The following GRB10 variants were observed in gnomAD, a reference collection of about 807,000 sequenced individuals.
GRB10 encodes the protein growth factor receptor-bound protein 10.
GRB10 carries 20 observed loss-of-function variants against 80.9 expected under a neutral mutation model. That is an observed-to-expected ratio of 0.25 (90% CI 0.17 to 0.36). GRB10 has a LOEUF of 0.36. GRB10 is among the 10% of genes least tolerant of loss of function. GRB10 has a pLI of 1.00. For synonymous variants in GRB10, 291 were observed against 291.5 expected (o/e 1.00, Z 0.02); for missense variants, 548 against 747.7 (o/e 0.73, Z 3.12).
chr7:50,789,479 C>T (rs891999041), intron 1 of GRB10, among the ~76,000 whole-genome samples: 11 of 152,294 alleles, frequency 7.2e-5, no homozygotes, highest in Middle Eastern at 3.4e-3. Flanking sequence ...TTCAGCCTGG[C>T]CAAACTAGTA....
At chr7:50,700,259 C>A (rs766010000) in intron 5 of GRB10, among the ~76,000 whole-genome samples, 2 of 152,134 alleles carry the variant, frequency 1.3e-5, no homozygotes, top group Non-Finnish European at 2.9e-5. Context: ...TTCTCTATTA[C>A]GATTTTATAT....
intron 4 of GRB10, among the ~76,000 whole-genome samples, chr7:50,724,521 A>T (rs2068274917): frequency 6.6e-6 from 1 of 152,202 alleles, no homozygotes; most frequent in Non-Finnish European, 1.5e-5. Flanking sequence ...CAAAAAAGTC[A>T]ACATTGTGCT....
chr7:50,681,676 G>C (rs1053553120), intron 5 of GRB10, among the ~76,000 whole-genome samples: 29 of 152,354 alleles, frequency 1.9e-4, no homozygotes, highest in Non-Finnish European at 5.9e-5. Flanking sequence ...GCACTGAAAA[G>C]ACTGCCTGGG....
chr7:50,636,543 G>T (rs1192513000), intron 7 of GRB10, among the ~76,000 whole-genome samples: 2 of 152,072 alleles, frequency 1.3e-5, no homozygotes, highest in Non-Finnish European at 1.5e-5. Context: ...ATGATCAAGT[G>T]GGTTTAATTC....
intron 4 of GRB10, among the ~76,000 whole-genome samples, chr7:50,729,729 C>A (rs537552724): frequency 1.4e-5 from 2 of 143,632 alleles, no homozygotes; most frequent in African/African-American, 5.0e-5. Context: ...GGAGCCCCCC[C>A]CGAAGACCAA....
chr7:50,693,156 A>G (rs919859364), intron 5 of GRB10, among the ~76,000 whole-genome samples: 1 of 152,338 alleles, frequency 6.6e-6, no homozygotes, highest in Admixed American at 6.5e-5. Context: ...ACAGAAAAAC[A>G]GCCAGCCCAA....
chr7:50,611,368 G>A (rs748431857), intron 13 of GRB10, among the ~76,000 whole-genome samples: 2 of 152,238 alleles, frequency 1.3e-5, no homozygotes, highest in African/African-American at 2.4e-5. Context: ...TATGTGACCA[G>A]TTCCCACTGA....
At chr7:50,612,686 G>C (rs2049787039) in intron 13 of GRB10, 55 bp downstream of exon 13, 1 of 1,186,124 alleles carries the variant, frequency 8.4e-7, no homozygotes, top group East Asian at 2.3e-5. Context: ...AAGTCCAGAG[G>C]CCAATTTTCC....
intron 2 of GRB10, among the ~76,000 whole-genome samples, chr7:50,777,927 G>A (rs1032348145): frequency 6.6e-6 from 1 of 152,078 alleles, no homozygotes; most frequent in Non-Finnish European, 1.5e-5. Context: ...GAGGGGAGAG[G>A]GACTGAGGGG....
At chr7:50,610,268 A>C (rs1433306686) in intron 13 of GRB10, among the ~76,000 whole-genome samples, 4 of 152,210 alleles carry the variant, frequency 2.6e-5, no homozygotes, top group Non-Finnish European at 5.9e-5. Context: ...GTGGGCAATG[A>C]ATCAGTGCCG....
chr7:50,759,867 G>A (rs940009109), intron 2 of GRB10, among the ~76,000 whole-genome samples: 2 of 152,156 alleles, frequency 1.3e-5, no homozygotes, highest in Admixed American at 1.3e-4. Flanking sequence ...CAGAGACAGT[G>A]AATGGCCAGG....
rs2045855173 is a variant in GRB10, at chr7:50,591,628, C to G, written c.*1324G>C. ...AGGGGCGGAGGGGACCAAGTGACAA[C>G]TCAAGCCACCATCTGACTCATCTCC... On this transcript the variant is annotated 3_prime_UTR_variant, in exon 19 of 19. Transcript: ENST00000401949. 6.6e-6 allele frequency: 1 copy of G among 152,298 alleles called. No homozygotes were observed. The allele number at this position is 152,298 out of a possible 1,614,324, so 9.4% of individuals were successfully genotyped here.
intron 3 of GRB10, among the ~76,000 whole-genome samples, chr7:50,734,722 G>C (rs1332897807): frequency 6.6e-6 from 1 of 152,180 alleles, no homozygotes; most frequent in Non-Finnish European, 1.5e-5. Flanking sequence ...TCTCCGCCAG[G>C]AAAATGTGTG....
chr7:50,692,313 C>T (rs963103594), intron 5 of GRB10, among the ~76,000 whole-genome samples: 1 of 151,992 alleles, frequency 6.6e-6, no homozygotes, highest in African/African-American at 2.4e-5. Context: ...CACACGCACA[C>T]ATATATATAT....
chr7:50,775,639 T>TA (rs1344228194), intron 2 of GRB10, among the ~76,000 whole-genome samples: 1 of 152,234 alleles, frequency 6.6e-6, no homozygotes, highest in African/African-American at 2.4e-5. Flanking sequence ...ATGGCTCTAT[T>TA]AGGCATTATC....
chr7:50,673,219 G>A (rs1224316321), intron 6 of GRB10, among the ~76,000 whole-genome samples: 1 of 152,176 alleles, frequency 6.6e-6, no homozygotes, highest in Non-Finnish European at 1.5e-5. Flanking sequence ...ACAGAGGCCA[G>A]TGAGGGCAAG....
At chr7:50,676,618 A>T (rs1451499062) in intron 5 of GRB10, among the ~76,000 whole-genome samples, 2 of 151,914 alleles carry the variant, frequency 1.3e-5, no homozygotes. Flanking sequence ...TCAGAGGGGC[A>T]CTCTGCCCTC....
intron 15 of GRB10, 32 bp downstream of exon 15, chr7:50,605,258 C>G (rs777758826): frequency 7.2e-6 from 11 of 1,521,202 alleles, no homozygotes; most frequent in Non-Finnish European, 1.0e-5. Context: ...CTTGAGGGTG[C>G]CCCTCCAGGC....
chr7:50,710,907 T>C lies in GRB10; in HGVS notation c.52-6999A>G, dbSNP rs374359721. The C allele has an allele frequency of 2.1e-5, 34 of 1,612,706 alleles. No individual in the cohort carries two copies. The African/African-American group carries it at 3.2e-4, about 15-fold the overall frequency. ...CGGAACAGAGGGCCGGCAGCTTGCA[T>C]AGGAGGTCTCTCTCTCCCTCTCTCT... On this transcript the variant is annotated intron_variant, in intron 4 of 18. Coordinates refer to ENST00000401949, the MANE Select transcript of GRB10 (RefSeq NM_001350814.2).
Sources: allele counts gnomAD v4.1 joint callset (sites outside exome capture counted in the v4.1 genomes callset), GRCh38; gene constraint gnomAD v4.1.1; transcripts MANE v1.5; gene names NCBI Gene and HGNC (gene_info 2026-07-23, HGNC 2026-07-21).